Variants in EPHA6 observed in about 807,000 individuals in gnomAD.
The protein encoded by EPHA6 is EPH receptor A6.
Under a neutral mutation model 112.0 loss-of-function variants are expected in EPHA6, and 50 were observed. The observed-to-expected ratio is 0.45, with a 90% CI of 0.36 to 0.56. The LOEUF (loss-of-function observed/expected upper bound fraction) is 0.56, where lower values mean the gene tolerates loss of function less well. Ranked by LOEUF, EPHA6 falls within the 20% of genes least tolerant of loss-of-function variation. The pLI is 0.00. For missense variants in EPHA6, 1,280 were observed against 1,417.4 expected (o/e 0.90, Z 1.56); for synonymous variants, 529 against 490.7 (o/e 1.08, Z -1.03).
chr3:97,686,939 G>A (rs1035456148), intron 14 of EPHA6, among the ~76,000 whole-genome samples: 36 of 152,086 alleles, frequency 2.4e-4, no homozygotes, highest in African/African-American at 8.5e-4. Context: ...TATTTTGTGG[G>A]GGGAAATTCT....
chr3:96,836,927 CATT>C (rs1439305977), intron 1 of EPHA6, among the ~76,000 whole-genome samples: 7 of 152,186 alleles, frequency 4.6e-5, no homozygotes, highest in African/African-American at 1.7e-4. Flanking sequence ...AGGTAGATAC[CATT>C]ATTATTCCCC....
intron 2 of EPHA6, among the ~76,000 whole-genome samples, chr3:96,950,437 G>A (rs1678182545): frequency 6.6e-6 from 1 of 152,088 alleles, no homozygotes; most frequent in Admixed American, 6.5e-5. Context: ...AAGATACTGA[G>A]TTGCATTTCT....
chr3:97,177,612 C>G (rs1246458093), intron 3 of EPHA6, among the ~76,000 whole-genome samples: 1 of 151,832 alleles, frequency 6.6e-6, no homozygotes, highest in African/African-American at 2.4e-5. Flanking sequence ...GATTCAACCC[C>G]TTTATATATC....
intron 3 of EPHA6, among the ~76,000 whole-genome samples, chr3:97,126,426 C>A (rs538101771): frequency 6.6e-6 from 1 of 152,076 alleles, no homozygotes; most frequent in Non-Finnish European, 1.5e-5. Flanking sequence ...CCAAAAAGCA[C>A]GATGAAAAAG....
intron 3 of EPHA6, among the ~76,000 whole-genome samples, chr3:97,011,809 C>G (rs2044095554): frequency 6.6e-6 from 1 of 152,112 alleles, no homozygotes; most frequent in Admixed American, 6.5e-5. Flanking sequence ...GCTCCTTCCT[C>G]TAGTAGTTTT....
At chr3:97,454,584 T>C (rs1166547132) in intron 7 of EPHA6, among the ~76,000 whole-genome samples, 3 of 151,886 alleles carry the variant, frequency 2.0e-5, no homozygotes, top group Non-Finnish European at 4.4e-5. Flanking sequence ...GCTTGAGTCA[T>C]GTAAAAACAT....
intron 3 of EPHA6, among the ~76,000 whole-genome samples, chr3:97,192,609 G>C (rs1215213642): frequency 6.6e-6 from 1 of 151,962 alleles, no homozygotes; most frequent in Non-Finnish European, 1.5e-5. Flanking sequence ...TTCCTTTACT[G>C]TGCAGAAGCT....
At chr3:96,855,825 T>C (rs1333737971) in intron 1 of EPHA6, among the ~76,000 whole-genome samples, 1 of 152,160 alleles carries the variant, frequency 6.6e-6, no homozygotes, top group East Asian at 1.9e-4. Context: ...ACACAGAAAC[T>C]AATTTTCATT....
rs141284400 is a variant in EPHA6 at position 97,519,711 on chromosome 3, T to C, written c.2201-12647T>C. ...TCTTTTATCTCCTTGGTTAAATTTA[T>C]ACCTAGATATTTTATTTTATACATT... On this transcript the variant is annotated intron_variant, in intron 10 of 17. Transcript: ENST00000389672. 3.8e-3 allele frequency among the ~76,000 whole-genome samples: 572 copies of C among 152,248 alleles called. 6 individuals carry two copies. The highest frequency in any genetic ancestry group is 0.012 in the African/African-American group (504 of 41,566).
rs770982146 is a variant in EPHA6, at chr3:97,753,510, T to C, written c.*4809T>C. The stretch of plus-strand genomic sequence containing the variant: ...GGGTTCTCTAAAACAGTTTCTCTCA[T>C]TAACAGTTGATCCTCTTCAGGAGTC... On this transcript the variant is annotated 3_prime_UTR_variant, in exon 18 of 18. Transcript: ENST00000389672. Among the ~76,000 whole-genome samples the C allele has an allele frequency of 6.6e-6, 1 of 152,166 alleles. No individual in the cohort carries two copies. The highest frequency in any genetic ancestry group is 1.5e-5 in the Non-Finnish European group (1 of 68,018).
chr3:97,732,030 T>G (rs1433714735), intron 15 of EPHA6, among the ~76,000 whole-genome samples: 1 of 152,002 alleles, frequency 6.6e-6, no homozygotes, highest in African/African-American at 2.4e-5. Flanking sequence ...CCCAGTGCAC[T>G]CTCCGCACTG....
At chr3:97,180,492 G>C (rs1380043954) in intron 3 of EPHA6, among the ~76,000 whole-genome samples, 2 of 152,106 alleles carry the variant, frequency 1.3e-5, no homozygotes, top group Admixed American at 1.3e-4. Flanking sequence ...TATGTGCTCA[G>C]TCTCACCTGA....
chr3:97,711,840 A>C (rs1024810152), intron 14 of EPHA6, among the ~76,000 whole-genome samples: 1 of 152,192 alleles, frequency 6.6e-6, no homozygotes, highest in African/African-American at 2.4e-5. Flanking sequence ...GTCATCCCTC[A>C]GGCCAGTCAA....
intron 5 of EPHA6, among the ~76,000 whole-genome samples, chr3:97,261,251 C>T (rs2079493080): frequency 6.6e-6 from 1 of 152,200 alleles, no homozygotes; most frequent in South Asian, 2.1e-4. Flanking sequence ...CTAAGAATAG[C>T]TTTTCTAGTC....
At chr3:97,734,708 T>G (rs1480008120) in intron 15 of EPHA6, among the ~76,000 whole-genome samples, 3 of 152,096 alleles carry the variant, frequency 2.0e-5, no homozygotes, top group Non-Finnish European at 4.4e-5. Flanking sequence ...TTTATATTTC[T>G]GTATTTTTGA....
chr3:96,904,189 A>G (rs1484001478), intron 2 of EPHA6, among the ~76,000 whole-genome samples: 1 of 152,050 alleles, frequency 6.6e-6, no homozygotes, highest in African/African-American at 2.4e-5. Context: ...TCACAATAGC[A>G]AAGACTTGGA....
At chr3:96,968,112 A>T (rs2042192909) in intron 2 of EPHA6, among the ~76,000 whole-genome samples, 2 of 151,522 alleles carry the variant, frequency 1.3e-5, no homozygotes, top group Non-Finnish European at 3.0e-5. Context: ...GGTGTATATA[A>T]TTATTTATTT....
At chr3:97,286,613 A>G (rs1283168699) in intron 5 of EPHA6, among the ~76,000 whole-genome samples, 1 of 151,662 alleles carries the variant, frequency 6.6e-6, no homozygotes, top group South Asian at 2.1e-4. Context: ...CCTTACACCA[A>G]TTCCATAGTG....
intron 3 of EPHA6, among the ~76,000 whole-genome samples, chr3:97,201,537 A>C (rs1443483966): frequency 2.6e-5 from 4 of 152,132 alleles, no homozygotes; most frequent in Non-Finnish European, 5.9e-5. Flanking sequence ...CCTAGAGAAA[A>C]TTAAACATAC....
Sources: gnomAD v4.1 joint callset for allele counts (sites outside exome capture counted in the v4.1 genomes callset) on GRCh38, gnomAD v4.1.1 for gene constraint, MANE v1.5 for transcripts, NCBI Gene and HGNC (gene_info 2026-07-23, HGNC 2026-07-21) for gene names.